Variants in SYT16 observed in about 807,000 individuals in gnomAD.
The protein encoded by SYT16 is synaptotagmin-16.
SYT16 carries 42 observed loss-of-function variants against 61.4 expected under a neutral mutation model. The observed-to-expected ratio is 0.68, with a 90% CI of 0.53 to 0.89. The LOEUF is 0.89. Ranked by LOEUF, SYT16 falls within the 40% of genes least tolerant of loss-of-function variation. The pLI is 0.00. For synonymous variants in SYT16, 314 were observed against 302.3 expected, an observed-to-expected ratio of 1.04 and a Z score of -0.40; for missense variants, 804 against 807.3, an observed-to-expected ratio of 1.00 and a Z score of 0.05.
rs117955063 is a variant in SYT16 at position 62,029,376 on chromosome 14, T to A, written c.523+32834T>A. On this transcript the variant is annotated intron_variant, in intron 3 of 7. Coordinates refer to ENST00000683842, the MANE Select transcript of SYT16 (RefSeq NM_001367656.1). Reference sequence around the variant, plus strand: ...AAAGAGCATCATGTTCTTCCAATACTTGGGGCAGCCATGTTTCATGCTGGG... The same window carrying A: ...AAAGAGCATCATGTTCTTCCAATACATGGGGCAGCCATGTTTCATGCTGGG... Among the ~76,000 whole-genome samples the A allele has an allele frequency of 1.8e-4, 28 of 152,326 alleles. No homozygotes were observed. In the East Asian group the frequency reaches 5.4e-3, roughly 29 times the overall value.
intron 1 of SYT16, among the ~76,000 whole-genome samples, chr14:61,872,093 A>G (rs187422838): frequency 1.3e-5 from 2 of 152,348 alleles, no homozygotes; most frequent in South Asian, 2.1e-4. Context: ...CAATTACACT[A>G]TGTATGCAGC....
rs1287395893 is a variant in SYT16, at chr14:61,975,606, C to T, written c.-145+5295C>T. Reference sequence around the variant, plus strand: ...AACCATCAGATCTTGTGAGAACTCACTCACTATCATTAGAACAGCATGAGA... The same window carrying T: ...AACCATCAGATCTTGTGAGAACTCATTCACTATCATTAGAACAGCATGAGA... On this transcript the variant is annotated intron_variant, in intron 2 of 7. Transcript: ENST00000683842. Among the ~76,000 whole-genome samples the T allele has an allele frequency of 2.6e-5, 4 of 152,078 alleles. No individual in the cohort carries two copies. In the East Asian group the frequency reaches 7.7e-4, roughly 29 times the overall value.
chr14:62,030,663 G>C (rs1024030533), intron 3 of SYT16, among the ~76,000 whole-genome samples: 2 of 152,078 alleles, frequency 1.3e-5, no homozygotes, highest in Admixed American at 1.3e-4. Flanking sequence ...AAAGGTTTTT[G>C]TTTTTCATTT....
intron 1 of SYT16, among the ~76,000 whole-genome samples, chr14:61,881,918 C>T (rs1380922072): frequency 1.3e-5 from 2 of 152,164 alleles, no homozygotes; most frequent in African/African-American, 4.8e-5. Context: ...TTTCTCATTC[C>T]CACATCCAGT....
At position 61,944,280 on chromosome 14, in the gene SYT16, A is replaced by G. The variant is rs184423556; in HGVS notation, c.-324-25852A>G. Among the ~76,000 whole-genome samples, 259 of 152,358 alleles carry G rather than the reference A, an allele frequency of 1.7e-3. 1 individual carries two copies. The highest frequency in any genetic ancestry group is 5.8e-3 in the African/African-American group (242 of 41,588). On this transcript the variant is annotated intron_variant, in intron 1 of 7. Transcript: ENST00000683842. ...TATTCCATGTTAATGGATAGGAAGA[A>G]TTAATATTGTGAAAACGGCCATATT...
In SYT16 at chr14:61,827,488, TTTCTC is replaced by T. The variant is rs151320499; in HGVS notation, c.-325+14680_-325+14684del. Among the ~76,000 whole-genome samples, 1,033 of 152,356 alleles carry T rather than the reference TTTCTC, an allele frequency of 6.8e-3. 16 individuals carry two copies. Among genetic ancestry groups the T allele is most frequent in the African/African-American group, 0.024 (996 of 41,576 alleles). ...TTGGTTTTTACCTTAAAAAAATACTTTTCTCTAAGAAATCTGAGGTGCAGCAATAG... is the reference window on the plus strand; with the variant it reads ...TTGGTTTTTACCTTAAAAAAATACTTTAAGAAATCTGAGGTGCAGCAATAG... On this transcript the variant is annotated intron_variant, in intron 1 of 7. Coordinates refer to ENST00000683842, the MANE Select transcript of SYT16 (RefSeq NM_001367656.1).
At chr14:61,963,292 A>C (rs2051185251) in intron 1 of SYT16, among the ~76,000 whole-genome samples, 1 of 152,220 alleles carries the variant, frequency 6.6e-6, no homozygotes, top group Admixed American at 6.5e-5. Context: ...CAAAAGCTAG[A>C]TCTCTTGTAC....
At chr14:62,084,723 G>A (rs2056829825) in intron 7 of SYT16, among the ~76,000 whole-genome samples, 1 of 152,144 alleles carries the variant, frequency 6.6e-6, no homozygotes, top group South Asian at 2.1e-4. Flanking sequence ...AAAGAGCTCT[G>A]GCTTTGGAGT....
At chr14:61,990,792 C>T (rs1379611171) in intron 2 of SYT16, among the ~76,000 whole-genome samples, 1 of 152,084 alleles carries the variant, frequency 6.6e-6, no homozygotes, top group Non-Finnish European at 1.5e-5. Flanking sequence ...GGACTATGAG[C>T]ATTGTTATTC....
intron 1 of SYT16, among the ~76,000 whole-genome samples, chr14:61,813,176 C>A (rs958429764): frequency 6.6e-6 from 1 of 152,248 alleles, no homozygotes; most frequent in Non-Finnish European, 1.5e-5. Context: ...GTTCAAGGTT[C>A]GCCTCGAGTT....
At chr14:61,854,431 C>T (rs146151113) in intron 1 of SYT16, among the ~76,000 whole-genome samples, 13 of 152,344 alleles carry the variant, frequency 8.5e-5, no homozygotes, top group African/African-American at 2.6e-4. Context: ...TACACACACA[C>T]GCGCGCACGC....
chr14:61,926,112 A>G (rs934420527), intron 1 of SYT16, among the ~76,000 whole-genome samples: 7 of 152,086 alleles, frequency 4.6e-5, no homozygotes, highest in African/African-American at 7.2e-5. Context: ...TATGTGTGGG[A>G]GATATCGGGG....
At chr14:62,060,344 T>A (rs2055771611) in intron 3 of SYT16, among the ~76,000 whole-genome samples, 1 of 152,044 alleles carries the variant, frequency 6.6e-6, no homozygotes, top group Admixed American at 6.5e-5. Flanking sequence ...TTTTAAAAAA[T>A]TTCATTTGTA....
chr14:62,094,470 A>G (rs1419964776), intron 7 of SYT16, among the ~76,000 whole-genome samples: 1 of 152,014 alleles, frequency 6.6e-6, no homozygotes, highest in Non-Finnish European at 1.5e-5. Context: ...CATTAGGCAC[A>G]TGTTCTTTAT....
At chr14:61,999,732 A>C (rs1199509859) in intron 3 of SYT16, among the ~76,000 whole-genome samples, 1 of 151,812 alleles carries the variant, frequency 6.6e-6, no homozygotes, top group Non-Finnish European at 1.5e-5. Flanking sequence ...TGTATCTAAT[A>C]AGTATGAATG....
chr14:62,076,277 A>G (rs1233537863), intron 5 of SYT16, among the ~76,000 whole-genome samples: 1 of 152,172 alleles, frequency 6.6e-6, no homozygotes, highest in Non-Finnish European at 1.5e-5. Flanking sequence ...TTTGAAATTA[A>G]TTTTGATGAA....
chr14:61,996,789 C>T (rs1016449319), intron 3 of SYT16, among the ~76,000 whole-genome samples: 3 of 151,958 alleles, frequency 2.0e-5, no homozygotes, highest in African/African-American at 4.8e-5. Context: ...TGGTGAAAAA[C>T]GAGTCTGTGG....
intron 3 of SYT16, among the ~76,000 whole-genome samples, chr14:62,025,254 C>T (rs1457908587): frequency 6.6e-6 from 1 of 152,084 alleles, no homozygotes; most frequent in Non-Finnish European, 1.5e-5. Context: ...AATGAAAGTT[C>T]CTGTTGCTTC....
At chr14:61,960,869 C>T (rs1417289356) in intron 1 of SYT16, among the ~76,000 whole-genome samples, 1 of 152,010 alleles carries the variant, frequency 6.6e-6, no homozygotes, top group Non-Finnish European at 1.5e-5. Flanking sequence ...TTCAAAATAT[C>T]CTACAAGGCT....
Sources: allele counts gnomAD v4.1 joint callset (sites outside exome capture counted in the v4.1 genomes callset), GRCh38; gene constraint gnomAD v4.1.1; transcripts MANE v1.5; gene names NCBI Gene and HGNC (gene_info 2026-07-23, HGNC 2026-07-21).